SLC16A12: variants seen among roughly 807,000 people sequenced by gnomAD.
The protein encoded by SLC16A12 is monocarboxylate transporter 12.
SLC16A12 carries 17 observed loss-of-function variants against 42.4 expected under a neutral mutation model. The observed-to-expected ratio is 0.40, with a 90% CI of 0.27 to 0.60. The LOEUF (loss-of-function observed/expected upper bound fraction) is 0.60. Among genes scored for constraint, SLC16A12 ranks in the 20% least tolerant of loss-of-function variants. The pLI is 0.42. For synonymous variants in SLC16A12, 224 were observed against 229.4 expected, an observed-to-expected ratio of 0.98 and a Z score of 0.21; for missense variants, 544 against 623.0, an observed-to-expected ratio of 0.87 and a Z score of 1.35.
intron 2 of SLC16A12, among the ~76,000 whole-genome samples, chr10:89,522,868 GAAAGTGCCC>G (rs1843381122): frequency 6.6e-6 from 1 of 152,220 alleles, no homozygotes; most frequent in Non-Finnish European, 1.5e-5. Context: ...TTGCGATATA[GAAAGTGCCC>G]AAAACACGTT....
At chr10:89,474,750 G>A (rs1842550499) in intron 2 of SLC16A12, among the ~76,000 whole-genome samples, 1 of 152,024 alleles carries the variant, frequency 6.6e-6, no homozygotes, top group Non-Finnish European at 1.5e-5. Flanking sequence ...TACTATTTAG[G>A]GGCACTGAAT....
chr10:89,456,192 T>C (rs1396028137), intron 3 of SLC16A12: 5 of 152,252 alleles, frequency 3.3e-5, no homozygotes, highest in African/African-American at 4.8e-5. Context: ...CTGTGTGTTA[T>C]GAGGATTAAA....
intron 2 of SLC16A12, among the ~76,000 whole-genome samples, chr10:89,482,915 T>A (rs1245005470): frequency 6.6e-6 from 1 of 152,202 alleles, no homozygotes; most frequent in East Asian, 1.9e-4. Context: ...AGCTTCCTAG[T>A]TGCTTAGCCG....
intron 3 of SLC16A12, among the ~76,000 whole-genome samples, chr10:89,445,138 C>T (rs1841978464): frequency 6.6e-6 from 1 of 152,162 alleles, no homozygotes; most frequent in African/African-American, 2.4e-5. Flanking sequence ...AACCAGACTT[C>T]ACCTCTGGGG....
chr10:89,524,210 AC>A (rs1401984784), intron 2 of SLC16A12, among the ~76,000 whole-genome samples: 1 of 152,164 alleles, frequency 6.6e-6, no homozygotes, highest in South Asian at 2.1e-4. Context: ...ATTTTAACAG[AC>A]CCTCTGGGGC....
intron 2 of SLC16A12, among the ~76,000 whole-genome samples, chr10:89,476,679 C>T (rs1335268564): frequency 1.3e-5 from 2 of 152,236 alleles, no homozygotes; most frequent in Admixed American, 6.5e-5. Context: ...TTTCTTTGAT[C>T]TTTTTATCCA....
intron 2 of SLC16A12, among the ~76,000 whole-genome samples, chr10:89,526,466 A>T (rs1443657159): frequency 6.6e-6 from 1 of 152,230 alleles, no homozygotes; most frequent in African/African-American, 2.4e-5. Context: ...CATCAAAGTT[A>T]TAAAGTTATT....
chr10:89,482,732 A>C (rs904008040), intron 2 of SLC16A12, among the ~76,000 whole-genome samples: 1 of 152,006 alleles, frequency 6.6e-6, no homozygotes, highest in Non-Finnish European at 1.5e-5. Flanking sequence ...GCAATGAGAC[A>C]AGATCACACT....
At chr10:89,503,033 G>A (rs984076210) in intron 2 of SLC16A12, among the ~76,000 whole-genome samples, 2 of 152,204 alleles carry the variant, frequency 1.3e-5, no homozygotes, top group African/African-American at 2.4e-5. Flanking sequence ...AAACAGACAA[G>A]CACTTAGTTC....
chr10:89,519,277 C>A (rs1843309381), intron 2 of SLC16A12, among the ~76,000 whole-genome samples: 1 of 117,282 alleles, frequency 8.5e-6, no homozygotes, highest in African/African-American at 2.8e-5. Flanking sequence ...GTACTATCCT[C>A]ACTGCTGGGT....
At chr10:89,542,021 G>A (rs560257138) in intron 2 of SLC16A12, among the ~76,000 whole-genome samples, 2 of 152,244 alleles carry the variant, frequency 1.3e-5, no homozygotes, top group East Asian at 3.9e-4. Flanking sequence ...AGGGGCGATA[G>A]TGCCTTTCTC....
At chr10:89,552,144 C>T (rs1486071231) in intron 2 of SLC16A12, among the ~76,000 whole-genome samples, 3 of 152,042 alleles carry the variant, frequency 2.0e-5, no homozygotes, top group Non-Finnish European at 2.9e-5. Flanking sequence ...CCATATTGGC[C>T]GGGCTGGTCT....
intron 3 of SLC16A12, among the ~76,000 whole-genome samples, chr10:89,453,585 T>C (rs568206157): frequency 6.6e-6 from 1 of 152,350 alleles, no homozygotes; most frequent in Admixed American, 6.5e-5. Flanking sequence ...TGTACCGGTT[T>C]GTAGCTTAGG....
intron 2 of SLC16A12, among the ~76,000 whole-genome samples, chr10:89,528,480 T>C (rs1301981038): frequency 6.6e-6 from 1 of 152,146 alleles, no homozygotes; most frequent in Non-Finnish European, 1.5e-5. Flanking sequence ...ATTGTGTTGA[T>C]TTGGTTGTTT....
At chr10:89,499,468 C>A (rs1470012894) in intron 2 of SLC16A12, among the ~76,000 whole-genome samples, 1 of 152,112 alleles carries the variant, frequency 6.6e-6, no homozygotes, top group Non-Finnish European at 1.5e-5. Context: ...GCAGGAGAAT[C>A]ACTTGAACCT....
Position 89,486,648 on chromosome 10 carries a change from AAAGAAAGAAAGAAAGAAAAG to A in SLC16A12, c.-46-24044_-46-24025del, listed in dbSNP as rs1476744245. ...GAAAGAAAGAAAGAAAGAAAGAAAG[AAAGAAAGAAAGAAAGAAAAG>A]AAAGAAAGAAAGAAAAGAAAGAAAA... On this transcript the variant is annotated intron_variant, in intron 2 of 7. Coordinates refer to ENST00000371790, the MANE Select transcript of SLC16A12 (RefSeq NM_213606.4). 4.6e-3 allele frequency among the ~76,000 whole-genome samples: 548 copies of A among 118,752 alleles called. 11 individuals carry two copies. The highest frequency in any genetic ancestry group is 0.013 in the African/African-American group (413 of 30,660). 77.9% of individuals were successfully genotyped at this position (118,752 alleles called of 152,430 possible).
chr10:89,519,671 G>A (rs960870581), intron 2 of SLC16A12, among the ~76,000 whole-genome samples: 3 of 151,676 alleles, frequency 2.0e-5, no homozygotes, highest in African/African-American at 7.3e-5. Flanking sequence ...ATGTAGGCTG[G>A]ATTTCCTCAA....
intron 2 of SLC16A12, among the ~76,000 whole-genome samples, chr10:89,514,826 C>T (rs1269359946): frequency 6.6e-6 from 1 of 152,212 alleles, no homozygotes; most frequent in African/African-American, 2.4e-5. Context: ...TGCAGTGGCT[C>T]ATGCCTGTAA....
intron 7 of SLC16A12, among the ~76,000 whole-genome samples, chr10:89,435,164 A>G (rs1255291802): frequency 1.3e-5 from 2 of 152,254 alleles, no homozygotes; most frequent in Non-Finnish European, 2.9e-5. Context: ...CCAAATCTAT[A>G]TATAAACCAG....
Sources: gnomAD v4.1 joint callset for allele counts (sites outside exome capture counted in the v4.1 genomes callset) on GRCh38, gnomAD v4.1.1 for gene constraint, MANE v1.5 for transcripts, NCBI Gene and HGNC (gene_info 2026-07-23, HGNC 2026-07-21) for gene names.